IL1RAPL2: variants seen among roughly 807,000 people sequenced by gnomAD.
IL1RAPL2 encodes the protein interleukin 1 receptor accessory protein like 2.
Under a neutral mutation model 44.1 loss-of-function variants are expected in IL1RAPL2, and 3 were observed. That is an observed-to-expected ratio of 0.07 (90% CI 0.03 to 0.18). The LOEUF (loss-of-function observed/expected upper bound fraction) is 0.18. Among genes scored for constraint, IL1RAPL2 ranks in the 10% least tolerant of loss-of-function variants. The pLI, the probability that IL1RAPL2 is intolerant of heterozygous loss-of-function variation, is 1.00. For missense variants in IL1RAPL2, 391 were observed against 496.4 expected, an observed-to-expected ratio of 0.79 and a Z score of 2.02; for synonymous variants, 181 against 178.8, an observed-to-expected ratio of 1.01 and a Z score of -0.10.
At chrX:105,000,601 A>G (rs1374675595) in intron 2 of IL1RAPL2, among the ~76,000 whole-genome samples, 2 of 112,002 alleles carry the variant, frequency 1.8e-5, no homozygotes, top group East Asian at 5.7e-4. Context: ...TTTTCTAAAG[A>G]AACACTCATG....
intron 2 of IL1RAPL2, among the ~76,000 whole-genome samples, chrX:104,885,879 C>G (rs1004572586): frequency 1.8e-5 from 2 of 113,290 alleles, no homozygotes; most frequent in Admixed American, 9.2e-5. Context: ...GGAAGGTGCA[C>G]TGCCCCAGAG....
chrX:104,586,901 T>C (rs930149151), intron 1 of IL1RAPL2, among the ~76,000 whole-genome samples: 1 of 111,732 alleles, frequency 8.9e-6, no homozygotes, highest in Non-Finnish European at 1.9e-5. Context: ...CACCTCTTCT[T>C]TTTTTAGTTG....
chrX:105,071,237 C>A (rs1270203987), intron 2 of IL1RAPL2, among the ~76,000 whole-genome samples: 7 of 110,110 alleles, frequency 6.4e-5, no homozygotes, highest in African/African-American at 2.3e-4. Flanking sequence ...TCTATACAAA[C>A]AATAAACTAT....
Position 105,086,380 on chromosome X carries a change from T to C in IL1RAPL2, c.83-109095T>C, listed in dbSNP as rs186382423. On this transcript the variant is annotated intron_variant, in intron 2 of 10. Transcript: ENST00000372582. Reference sequence around the variant, plus strand: ...ACATTATGCTAAGTGAAATAAGCTATGCACTGAATGACAAATAAGGCATAA... The same window carrying C: ...ACATTATGCTAAGTGAAATAAGCTACGCACTGAATGACAAATAAGGCATAA... Among the ~76,000 whole-genome samples, 819 of 111,544 alleles carry C rather than the reference T, an allele frequency of 7.3e-3. 14 individuals are homozygous for C. Among genetic ancestry groups the C allele is most frequent in the African/African-American group, 0.025 (767 of 30,650 alleles).
intron 2 of IL1RAPL2, among the ~76,000 whole-genome samples, chrX:104,828,923 C>A (rs1921536610): frequency 1.8e-5 from 2 of 112,634 alleles, no homozygotes; most frequent in South Asian, 7.2e-4. Flanking sequence ...GCTTTGTTTA[C>A]CCTGTTAGGG....
At chrX:105,217,289 T>C (rs782361651) in intron 3 of IL1RAPL2, among the ~76,000 whole-genome samples, 5,867 of 110,637 alleles carry the variant, frequency 0.053, 446 homozygotes, top group African/African-American at 0.19. Flanking sequence ...AAAAAGTGGG[T>C]GAAGGACATG....
intron 2 of IL1RAPL2, among the ~76,000 whole-genome samples, chrX:104,761,735 A>G (rs772648097): frequency 1.5e-4 from 17 of 110,849 alleles, no homozygotes; most frequent in Non-Finnish European, 3.0e-4. Flanking sequence ...AATGGGAGAA[A>G]TTTTGGCCAA....
At chrX:105,016,718 G>A (rs2031185916) in intron 2 of IL1RAPL2, among the ~76,000 whole-genome samples, 2 of 111,640 alleles carry the variant, frequency 1.8e-5, no homozygotes, top group Admixed American at 1.9e-4. Context: ...TAGTTTGCCA[G>A]TATTTTATTG....
At chrX:104,989,810 T>A (rs145166096) in intron 2 of IL1RAPL2, among the ~76,000 whole-genome samples, 1,251 of 111,823 alleles carry the variant, frequency 0.011, 20 homozygotes, top group African/African-American at 0.038. Flanking sequence ...TTGTCATGAC[T>A]CTATTTCTCT....
chrX:105,354,247 C>A (rs1016750404), intron 5 of IL1RAPL2, among the ~76,000 whole-genome samples: 8 of 110,366 alleles, frequency 7.2e-5, no homozygotes, highest in African/African-American at 2.0e-4. Context: ...GACTTGGAAC[C>A]AACCCAAATG....
At chrX:105,288,535 C>T (rs966808545) in intron 5 of IL1RAPL2, among the ~76,000 whole-genome samples, 1 of 111,365 alleles carries the variant, frequency 9.0e-6, no homozygotes, top group Non-Finnish European at 1.9e-5. Flanking sequence ...TTCTTTAAGG[C>T]AGTGCCCATT....
intron 4 of IL1RAPL2, among the ~76,000 whole-genome samples, chrX:105,239,961 A>C (rs1192415744): frequency 2.7e-5 from 3 of 112,325 alleles, no homozygotes; most frequent in Non-Finnish European, 5.6e-5. Flanking sequence ...ATGACAATTG[A>C]ATGAAATCCC....
rs1481941261 is a variant in IL1RAPL2 at position 105,195,680 on chromosome X, A to G, written c.288A>G (p.Lys96=). 1.7e-6 allele frequency: 2 copies of G among 1,211,664 alleles called. No individual in the cohort carries two copies. The highest frequency in any genetic ancestry group is 3.5e-5 in the South Asian group (2 of 57,004). The change falls in exon 3 of 11, where the codon AAA becomes AAG. Residue 96 remains lysine, a synonymous_variant. Transcript: ENST00000372582. ...TCTTTTCAGAGGTCAGGATGAGCAA[A>G]GAGGAAGATTCAATATGGTTTCACT... ...PIIFSEVRMS[K]EEDSIWFHSA...
At chrX:105,047,624 G>A (rs373130274) in intron 2 of IL1RAPL2, among the ~76,000 whole-genome samples, 3 of 111,227 alleles carry the variant, frequency 2.7e-5, no homozygotes, top group East Asian at 5.7e-4. Flanking sequence ...TCACCTGCTT[G>A]TCTTCTATTC....
chrX:105,541,288 G>A (rs2036732650), intron 6 of IL1RAPL2, among the ~76,000 whole-genome samples: 1 of 111,016 alleles, frequency 9.0e-6, no homozygotes, highest in African/African-American at 3.3e-5. Context: ...ATTATGGCTG[G>A]AGGAGAGTCA....
intron 3 of IL1RAPL2, among the ~76,000 whole-genome samples, chrX:105,202,273 T>C (rs1556146992): frequency 8.9e-6 from 1 of 112,579 alleles, no homozygotes; most frequent in Non-Finnish European, 1.9e-5. Context: ...AAAAGAAGAA[T>C]TGATCTCAAA....
At chrX:105,170,435 GTACT>G (rs1204300230) in intron 2 of IL1RAPL2, among the ~76,000 whole-genome samples, 21 of 110,777 alleles carry the variant, frequency 1.9e-4, no homozygotes, top group African/African-American at 2.3e-4. Context: ...AAATCAAATT[GTACT>G]TACTATTACT....
intron 2 of IL1RAPL2, among the ~76,000 whole-genome samples, chrX:104,769,049 C>T (rs1932602055): frequency 9.0e-6 from 1 of 111,368 alleles, no homozygotes; most frequent in African/African-American, 3.3e-5. Context: ...TTTTTCTTCT[C>T]TGAGCCTTAG....
chrX:104,636,381 G>T (rs1929806546), intron 1 of IL1RAPL2, among the ~76,000 whole-genome samples: 2 of 112,281 alleles, frequency 1.8e-5, no homozygotes, highest in Non-Finnish European at 3.8e-5. Flanking sequence ...GCCAGACAGG[G>T]ACATTTAAGT....
Sources: allele counts gnomAD v4.1 joint callset (sites outside exome capture counted in the v4.1 genomes callset), GRCh38; gene constraint gnomAD v4.1.1; transcripts MANE v1.5; gene names NCBI Gene and HGNC (gene_info 2026-07-23, HGNC 2026-07-21).